The following KCNQ1 variants were observed in gnomAD, a reference collection of about 807,000 sequenced individuals.
KCNQ1 encodes potassium voltage-gated channel subfamily KQT member 1.
A neutral mutation model predicts 72.4 loss-of-function variants in KCNQ1; 49 were observed. That is an observed-to-expected ratio of 0.68 (90% CI 0.54 to 0.86). The LOEUF (loss-of-function observed/expected upper bound fraction) is 0.86, where lower values mean the gene tolerates loss of function less well. KCNQ1 is among the 40% of genes least tolerant of loss of function. The pLI is 0.00. For missense variants in KCNQ1, 790 were observed against 945.1 expected (o/e 0.84, Z 2.15); for synonymous variants, 450 against 412.6 (o/e 1.09, Z -1.10).
At chr11:2,841,074 C>T (rs976703901) in intron 15 of KCNQ1, among the ~76,000 whole-genome samples, 1 of 152,202 alleles carries the variant, frequency 6.6e-6, no homozygotes. Flanking sequence ...GCAAGGAGAT[C>T]AATAAACCGG....
At chr11:2,834,357 G>GTGCGGTGGAAA (rs1848018772) in intron 15 of KCNQ1, among the ~76,000 whole-genome samples, 1 of 152,134 alleles carries the variant, frequency 6.6e-6, no homozygotes, top group Non-Finnish European at 1.5e-5. Context: ...GGGAGGGTGG[G>GTGCGGTGGAAA]CAGAGCAGGA....
In KCNQ1 at chr11:2,471,594, G is replaced by A. The variant is rs1321528167; in HGVS notation, c.386+26110G>A. Among the ~76,000 whole-genome samples, 1 of 151,796 alleles carries A rather than the reference G, an allele frequency of 6.6e-6. No individual in the cohort carries two copies. Among genetic ancestry groups the A allele is most frequent in the Admixed American group, 6.6e-5 (1 of 15,256 alleles). ...TGTGTGTGTGCACGTGTGTATGGGT[G>A]CGTGTGCACCTGTGTATATGGGTGT... On this transcript the variant is annotated intron_variant, in intron 1 of 15. Transcript: ENST00000155840. This position sits in a 1 kb window ranked among gnomAD's most constrained non-coding sequence, Gnocchi z 4.8.
At position 2,662,076 on chromosome 11, in the gene KCNQ1, C is replaced by T; in HGVS notation, c.1509C>T (p.Ile503=). The change falls in exon 11 of 16, where the codon ATC becomes ATT. Residue 503 remains isoleucine, a synonymous_variant. Transcript: ENST00000155840. ...CTCTGCTGACACCCATCACCCACAT[C>T]TCACAGTGAGTGCCTACATGTGCGT... is the stretch of plus-strand genomic sequence containing the variant. ...GETLLTPITH[I]SQLREHHRAT... The T allele has an allele frequency of 6.2e-7, 1 of 1,614,242 alleles. No individual in the cohort carries two copies. Among genetic ancestry groups the T allele is most frequent in the South Asian group, 1.1e-5 (1 of 91,088 alleles).
intron 10 of KCNQ1, chr11:2,637,533 A>C (rs1849493718): frequency 1.3e-5 from 2 of 152,222 alleles, no homozygotes; most frequent in Admixed American, 1.3e-4. Context: ...GTTTGATTGC[A>C]CTGTGGTCTG....
chr11:2,649,902 ACTT>A (rs1345931452), intron 10 of KCNQ1: 4 of 398,340 alleles, frequency 1.0e-5, no homozygotes, highest in African/African-American at 8.2e-5. Context: ...TTATCCCAAC[ACTT>A]CTTCTGGAAC....
At chr11:2,689,276 C>T in intron 11 of KCNQ1, 1 of 398,718 alleles carries the variant, frequency 2.5e-6, no homozygotes, top group Non-Finnish European at 4.4e-6. Flanking sequence ...AGCCTTTGCA[C>T]AGATATCTCC....
Position 2,651,690 on chromosome 11 carries a change from T to G in KCNQ1, c.1394-10271T>G, listed in dbSNP as rs1286211677. ...ATTAGCCACGTGGCCCTCTGTTTCC[T>G]GTAATAGGCCATTTCCTAAGTAAGC... is the stretch of plus-strand genomic sequence containing the variant. On this transcript the variant is annotated intron_variant, in intron 10 of 15. Transcript: ENST00000155840. This position sits in a 1 kb window ranked among gnomAD's most constrained non-coding sequence, Gnocchi z 6.1. 2.5e-6 allele frequency: 1 copy of G among 398,552 alleles called. No individual in the cohort carries two copies. Among genetic ancestry groups the G allele is most frequent in the Non-Finnish European group, 4.4e-6 (1 of 226,082 alleles). The allele number at this position is 398,552 out of a possible 1,614,324, so 24.7% of individuals were successfully genotyped here.
chr11:2,613,351 T>C lies in KCNQ1; in HGVS notation c.1393+24497T>C. 1 of 398,626 alleles carries C rather than the reference T, an allele frequency of 2.5e-6. No individual in the cohort carries two copies. Among genetic ancestry groups the C allele is most frequent in the Non-Finnish European group, 4.4e-6 (1 of 226,080 alleles). 24.7% of individuals were successfully genotyped at this position (398,626 alleles called of 1,614,324 possible). On this transcript the variant is annotated intron_variant, in intron 10 of 15. Transcript: ENST00000155840. The surrounding 1 kb of genome is among the most constrained non-coding windows in gnomAD (Gnocchi z 4.8). ...CTTAATCTGTCGCTTGCCCAACCAG[T>C]ATTGAAACATTAGGTTGCTGTGATG...
chr11:2,523,652 G>A (rs979868554), intron 1 of KCNQ1, among the ~76,000 whole-genome samples: 2 of 152,020 alleles, frequency 1.3e-5, no homozygotes, highest in Admixed American at 1.3e-4. Flanking sequence ...GTGAAGTGGG[G>A]TTATCTCAGC....
rs1849217291 is a variant in KCNQ1, at chr11:2,623,880, A to G, written c.1393+35026A>G. ...ACTCTGGATTCTTCGGGGGATATGTATACACATTCAGAAGTGGAATTGATG... is the reference window on the plus strand; with the variant it reads ...ACTCTGGATTCTTCGGGGGATATGTGTACACATTCAGAAGTGGAATTGATG... On this transcript the variant is annotated intron_variant, in intron 10 of 15. Coordinates refer to ENST00000155840, the MANE Select transcript of KCNQ1 (RefSeq NM_000218.3). The surrounding 1 kb of genome is among the most constrained non-coding windows in gnomAD (Gnocchi z 5.2). The G allele has an allele frequency of 5.0e-6, 2 of 398,474 alleles. No homozygotes were observed. Among genetic ancestry groups the G allele is most frequent in the African/African-American group, 2.1e-5 (1 of 48,618 alleles). 24.7% of individuals were successfully genotyped at this position (398,474 alleles called of 1,614,324 possible). A position where few individuals can be genotyped will look rare whatever the true frequency, so the allele number is the denominator to read the frequency against.
rs1259912443 is a variant in KCNQ1, at chr11:2,450,164, G to A, written c.386+4680G>A. 6.6e-6 allele frequency among the ~76,000 whole-genome samples: 1 copy of A among 152,210 alleles called. No individual in the cohort carries two copies. On this transcript the variant is annotated intron_variant, in intron 1 of 15. Coordinates refer to ENST00000155840, the MANE Select transcript of KCNQ1 (RefSeq NM_000218.3). This position sits in a 1 kb window ranked among gnomAD's most constrained non-coding sequence, Gnocchi z 7.9. ...CTTTTGGCCCCTGCGATATCTTGCT[G>A]TGATTCAAGACTCTGTCCACGGGCA...
chr11:2,512,266 CG>C (rs1292843869), intron 1 of KCNQ1, among the ~76,000 whole-genome samples: 2 of 152,186 alleles, frequency 1.3e-5, no homozygotes, highest in Non-Finnish European at 2.9e-5. Context: ...GTGCTGGAGC[CG>C]GGGCGGGAGA....
intron 11 of KCNQ1, chr11:2,700,140 T>C (rs2133904099): frequency 1.0e-5 from 4 of 397,312 alleles, no homozygotes; most frequent in Non-Finnish European, 4.4e-6. Flanking sequence ...ATGTGCCGTG[T>C]CCTGTCATTG....
chr11:2,450,184 C>T lies in KCNQ1; in HGVS notation c.386+4700C>T, dbSNP rs993671433. 2.5e-4 allele frequency among the ~76,000 whole-genome samples: 38 copies of T among 152,330 alleles called. No homozygotes were observed. Among genetic ancestry groups the T allele is most frequent in the Middle Eastern group, 3.4e-3 (1 of 294 alleles). On this transcript the variant is annotated intron_variant, in intron 1 of 15. Coordinates refer to ENST00000155840, the MANE Select transcript of KCNQ1 (RefSeq NM_000218.3). This position sits in a 1 kb window ranked among gnomAD's most constrained non-coding sequence, Gnocchi z 7.9. Reference sequence around the variant, plus strand: ...TTGCTGTGATTCAAGACTCTGTCCACGGGCAAGAACAACAAGGCTGGGACA... The same window carrying T: ...TTGCTGTGATTCAAGACTCTGTCCATGGGCAAGAACAACAAGGCTGGGACA...
At chr11:2,561,489 G>T (rs1046127232) in intron 2 of KCNQ1, among the ~76,000 whole-genome samples, 3 of 152,186 alleles carry the variant, frequency 2.0e-5, no homozygotes, top group Non-Finnish European at 4.4e-5. Context: ...CTTTCCACAG[G>T]CCCAGGCCAC....
At chr11:2,445,715 G>A (rs773085299) in intron 1 of KCNQ1, among the ~76,000 whole-genome samples, 2 of 152,232 alleles carry the variant, frequency 1.3e-5, no homozygotes, top group Non-Finnish European at 2.9e-5. Flanking sequence ...GGAGGGAGCC[G>A]GCTGGGGAGG....
At chr11:2,646,360 G>A in intron 10 of KCNQ1, 2 of 398,512 alleles carry the variant, frequency 5.0e-6, no homozygotes, top group East Asian at 7.1e-5. Context: ...AAAAAATTTT[G>A]TAGCCTCTTC....
At chr11:2,688,278 T>A (rs982989976) in intron 11 of KCNQ1, 1 of 398,624 alleles carries the variant, frequency 2.5e-6, no homozygotes, top group African/African-American at 2.1e-5. Flanking sequence ...GACCTCTGTT[T>A]AGACAAGGAA....
At chr11:2,590,634 CCTG>C (rs1342602301) in intron 10 of KCNQ1, among the ~76,000 whole-genome samples, 1 of 152,228 alleles carries the variant, frequency 6.6e-6, no homozygotes, top group Non-Finnish European at 1.5e-5. Context: ...TGCATTGGTT[CCTG>C]CTTACTTTGT....
Sources: gnomAD v4.1 joint callset for allele counts (sites outside exome capture counted in the v4.1 genomes callset) on GRCh38, gnomAD v4.1.1 for gene constraint, Gnocchi (gnomAD v3.1) non-coding constraint, MANE v1.5 for transcripts, NCBI Gene and HGNC (gene_info 2026-07-23, HGNC 2026-07-21) for gene names.